Variants in KATNIP observed in about 807,000 individuals in gnomAD.
The protein encoded by KATNIP is katanin interacting protein, also known as katanin-interacting protein.
In KATNIP, 126 loss-of-function variants were observed where a neutral mutation model predicts 174.0. That is an observed-to-expected ratio of 0.72 (90% CI 0.63 to 0.84). KATNIP has a LOEUF of 0.84. KATNIP is among the 40% of genes least tolerant of loss of function. KATNIP has a pLI of 0.00. For synonymous variants in KATNIP, 810 were observed against 835.7 expected, an observed-to-expected ratio of 0.97 and a Z score of 0.53; for missense variants, 1,958 against 2,109.7, an observed-to-expected ratio of 0.93 and a Z score of 1.41.
intron 2 of KATNIP, among the ~76,000 whole-genome samples, chr16:27,613,603 G>A (rs190431116): frequency 7.9e-5 from 12 of 152,214 alleles, no homozygotes; most frequent in African/African-American, 2.9e-4. Flanking sequence ...TGTGTTCTGG[G>A]AAGATGCATG....
rs369220506 is a variant in KATNIP, at chr16:27,582,464, T to TA, written c.63+8509dup. 6.7e-3 allele frequency among the ~76,000 whole-genome samples: 1,016 copies of TA among 152,290 alleles called. 15 individuals carry two copies. The highest frequency in any genetic ancestry group is 0.023 in the African/African-American group (974 of 41,550). ...CCAAATGTATTCCCACTTGCGAAATTATTGTTGTCAGTCTTTCTGCTTCTT... is the reference window on the plus strand; with the variant it reads ...CCAAATGTATTCCCACTTGCGAAATTAATTGTTGTCAGTCTTTCTGCTTCTT... On this transcript the variant is annotated intron_variant, in intron 2 of 27. Transcript: ENST00000261588.
chr16:27,561,897 C>A (rs1046384299), intron 1 of KATNIP, among the ~76,000 whole-genome samples: 2 of 152,220 alleles, frequency 1.3e-5, no homozygotes, highest in African/African-American at 2.4e-5. Context: ...CCTGCAGGGG[C>A]CAGGTAATGT....
In KATNIP at chr16:27,726,920, T is replaced by G. The variant is rs563621811; in HGVS notation, c.1743+5225T>G. On this transcript the variant is annotated intron_variant, in intron 14 of 27. Coordinates refer to ENST00000261588, the MANE Select transcript of KATNIP (RefSeq NM_015202.5). The stretch of plus-strand genomic sequence containing the variant: ...CCAGAGGGAGGTGGGGACCAGATCC[T>G]GTGGGCCAGCAGGTTTGGATCTGAT... Among the ~76,000 whole-genome samples, 8 of 152,328 alleles carry G rather than the reference T, an allele frequency of 5.3e-5. No homozygotes were observed. In the South Asian group the frequency reaches 1.7e-3, roughly 32 times the overall value.
At position 27,752,917 on chromosome 16, in the gene KATNIP, G is replaced by C. The variant is rs1226290127; in HGVS notation, c.3552+993G>C. 3.5e-4 allele frequency among the ~76,000 whole-genome samples: 54 copies of C among 152,128 alleles called. 1 individual carries two copies. Among genetic ancestry groups the C allele is most frequent in the Non-Finnish European group, 1.5e-5 (1 of 68,024 alleles). On this transcript the variant is annotated intron_variant, in intron 17 of 27. Coordinates refer to ENST00000261588, the MANE Select transcript of KATNIP (RefSeq NM_015202.5). ...GGTCAATTCAAGTCAGGACCAATAG[G>C]AAAAAGAGGAGATGGTTAAACAGGG... is the stretch of plus-strand genomic sequence containing the variant.
intron 18 of KATNIP, 99 bp from the exon 19 acceptor site, chr16:27,761,314 A>C: frequency 7.8e-7 from 1 of 1,283,932 alleles, no homozygotes; most frequent in Non-Finnish European, 1.1e-6. Context: ...TGAAGTTGCT[A>C]GAATATAGAG....
chr16:27,750,489 G>A (rs1293297816), intron 16 of KATNIP, among the ~76,000 whole-genome samples, 183 bp downstream of exon 16: 1 of 147,242 alleles, frequency 6.8e-6, no homozygotes, highest in Non-Finnish European at 1.5e-5. Context: ...GCGCGATCTT[G>A]GCTCACTGCA....
chr16:27,559,750 G>A (rs1373744933), intron 1 of KATNIP, among the ~76,000 whole-genome samples: 1 of 151,890 alleles, frequency 6.6e-6, no homozygotes, highest in Admixed American at 6.6e-5. Flanking sequence ...GGAGGCCGAG[G>A]CAGGCGGATC....
intron 2 of KATNIP, among the ~76,000 whole-genome samples, chr16:27,577,289 C>T (rs1244213219): frequency 6.6e-6 from 1 of 152,216 alleles, no homozygotes; most frequent in African/African-American, 2.4e-5. Flanking sequence ...CGCCTGTTAT[C>T]CCAGCACTTT....
At position 27,555,856 on chromosome 16, in the gene KATNIP, A is replaced by G. The variant is rs4480809; in HGVS notation, c.7+5679A>G. 5.6e-3 allele frequency among the ~76,000 whole-genome samples: 820 copies of G among 145,208 alleles called. 13 individuals are homozygous for G. Among genetic ancestry groups the G allele is most frequent in the African/African-American group, 0.02 (785 of 38,964 alleles). On this transcript the variant is annotated intron_variant, in intron 1 of 27. Transcript: ENST00000261588. ...CGTCTCAAAAAAAAAAAAAGTTCCT[A>G]CAGCCAGGCGCGGTGGCTCATGCCT...
At chr16:27,631,376 C>CTAAAAA in intron 5 of KATNIP, 4 of 509,768 alleles carry the variant, frequency 7.8e-6, no homozygotes, top group South Asian at 2.7e-5. Flanking sequence ...TTCATCTCTA[C>CTAAAAA]TAAAAATAAA....
chr16:27,639,793 A>G (rs1182087420), intron 5 of KATNIP, among the ~76,000 whole-genome samples: 4 of 152,244 alleles, frequency 2.6e-5, no homozygotes, highest in Non-Finnish European at 5.9e-5. Flanking sequence ...CAAGCCGTAA[A>G]GCATTGGCCT....
intron 18 of KATNIP, among the ~76,000 whole-genome samples, chr16:27,760,820 C>T (rs962392022): frequency 1.3e-5 from 2 of 152,172 alleles, no homozygotes; most frequent in African/African-American, 4.8e-5. Context: ...GGGAAGTGTA[C>T]AGTGGCATGG....
intron 5 of KATNIP, chr16:27,632,485 T>G: frequency 2.5e-6 from 1 of 399,958 alleles, no homozygotes; most frequent in South Asian, 1.7e-5. Context: ...CGTCAAAAAA[T>G]GGCGGCATTA....
At position 27,777,122 on chromosome 16, in the gene KATNIP, C is replaced by A; in HGVS notation, c.4551+93C>A. On this transcript the variant is annotated intron_variant, in intron 25 of 27. Transcript: ENST00000261588. This position sits in a 1 kb window ranked among gnomAD's most constrained non-coding sequence, Gnocchi z 4.4. ...TCATTTGTCGCAGTTTGATTTACTTCTCTCTGTTGCAACCCTCAACACAAA... is the reference window on the plus strand; with the variant it reads ...TCATTTGTCGCAGTTTGATTTACTTATCTCTGTTGCAACCCTCAACACAAA... 3.6e-6 allele frequency: 3 copies of A among 842,390 alleles called. No homozygotes were observed. The highest frequency in any genetic ancestry group is 6.1e-6 in the Non-Finnish European group (3 of 495,372). 52.2% of individuals were successfully genotyped at this position (842,390 alleles called of 1,614,324 possible). A position where few individuals can be genotyped will look rare whatever the true frequency, so the allele number is the denominator to read the frequency against.
At chr16:27,571,171 T>G (rs892765915) in intron 1 of KATNIP, among the ~76,000 whole-genome samples, 4 of 152,086 alleles carry the variant, frequency 2.6e-5, no homozygotes, top group African/African-American at 4.8e-5. Flanking sequence ...TAGCTGGAAT[T>G]ACAAGCATGT....
At chr16:27,700,116 TAGTC>T (rs1202108706) in intron 10 of KATNIP, among the ~76,000 whole-genome samples, 3 of 151,730 alleles carry the variant, frequency 2.0e-5, no homozygotes, top group African/African-American at 7.3e-5. Flanking sequence ...TTCATCATGT[TAGTC>T]AGGCTGGTCT....
In KATNIP at chr16:27,618,512, C is replaced by G. The variant is rs1256669686; in HGVS notation, c.140+11C>G. ...TCAGCAGAGGAACCGGTAAGAGAAG[C>G]CACTCGACGGCAGCCCTTGATATTA... On this transcript the variant is annotated intron_variant, in intron 3 of 27. Coordinates refer to ENST00000261588, the MANE Select transcript of KATNIP (RefSeq NM_015202.5). 2 of 1,587,206 alleles carry G rather than the reference C, an allele frequency of 1.3e-6. No individual in the cohort carries two copies. Among genetic ancestry groups the G allele is most frequent in the South Asian group, 1.1e-5 (1 of 90,512 alleles).
intron 2 of KATNIP, among the ~76,000 whole-genome samples, chr16:27,598,243 CAA>C (rs10635648): frequency 7.0e-6 from 1 of 142,612 alleles, no homozygotes; most frequent in African/African-American, 2.6e-5. Flanking sequence ...GACTCCATCT[CAA>C]AAAAAAAAAA....
At chr16:27,667,582 G>A (rs76715028) in intron 6 of KATNIP, among the ~76,000 whole-genome samples, 18 of 152,122 alleles carry the variant, frequency 1.2e-4, no homozygotes, top group African/African-American at 4.1e-4. Context: ...GCAGGGGGTT[G>A]GTTGGGGAGG....
Sources: gnomAD v4.1 joint callset for allele counts (sites outside exome capture counted in the v4.1 genomes callset) on GRCh38, gnomAD v4.1.1 for gene constraint, Gnocchi (gnomAD v3.1) non-coding constraint, MANE v1.5 for transcripts, NCBI Gene and HGNC (gene_info 2026-07-23, HGNC 2026-07-21) for gene names.